ZNF385D: variants seen among roughly 807,000 people sequenced by gnomAD.
ZNF385D encodes zinc finger protein 659.
A neutral mutation model predicts 35.8 loss-of-function variants in ZNF385D; 15 were observed. That is an observed-to-expected ratio of 0.42 (90% confidence interval 0.28 to 0.64). The LOEUF is 0.64. Among genes scored for constraint, ZNF385D ranks in the 30% least tolerant of loss-of-function variants. The probability of loss-of-function intolerance (pLI) is 0.23; values close to 1 mark genes in which losing one functional copy is unlikely to be tolerated. For missense variants in ZNF385D, 474 were observed against 494.6 expected, an observed-to-expected ratio of 0.96 and a Z score of 0.39; for synonymous variants, 212 against 186.8, an observed-to-expected ratio of 1.13 and a Z score of -1.10.
At chr3:21,463,577 T>C (rs115249851) in intron 4 of ZNF385D, among the ~76,000 whole-genome samples, 4,575 of 152,226 alleles carry the variant, frequency 0.03, 197 homozygotes, top group African/African-American at 0.1. Context: ...CCTTCACATC[T>C]GGCCTTGAAG....
At chr3:22,150,340 T>C (rs1705142640) in intron 3 of ZNF385D, among the ~76,000 whole-genome samples, 1 of 152,042 alleles carries the variant, frequency 6.6e-6, no homozygotes, top group Non-Finnish European at 1.5e-5. Context: ...ACATGAATAG[T>C]TTTGCTTTAT....
intron 3 of ZNF385D, among the ~76,000 whole-genome samples, chr3:21,862,603 G>A (rs753140995): frequency 1.3e-5 from 2 of 152,088 alleles, no homozygotes; most frequent in African/African-American, 2.4e-5. Context: ...TATGTGTATA[G>A]CATTCCAGCA....
chr3:22,145,051 G>C (rs1244656576), intron 3 of ZNF385D, among the ~76,000 whole-genome samples: 2 of 149,960 alleles, frequency 1.3e-5, no homozygotes, highest in African/African-American at 2.5e-5. Flanking sequence ...GTCACAATTA[G>C]TTATCAGTGA....
At chr3:21,671,067 G>A (rs1211807776) in intron 1 of ZNF385D, among the ~76,000 whole-genome samples, 3 of 152,064 alleles carry the variant, frequency 2.0e-5, no homozygotes, top group African/African-American at 4.8e-5. Context: ...GTCCCACGGA[G>A]AGGCATAAAG....
intron 3 of ZNF385D, among the ~76,000 whole-genome samples, chr3:22,123,950 C>CTT (rs1703260521): frequency 9.7e-6 from 1 of 103,196 alleles, no homozygotes; most frequent in East Asian, 2.9e-4. Flanking sequence ...CTCTCTCTCT[C>CTT]TCTCTCTCTC....
intron 2 of ZNF385D, among the ~76,000 whole-genome samples, chr3:21,578,321 TTTTAG>T (rs1217090996): frequency 2.0e-5 from 3 of 152,122 alleles, no homozygotes; most frequent in African/African-American, 7.2e-5. Context: ...TGCAGAAGCT[TTTTAG>T]TTTAGTATAA....
In ZNF385D at chr3:22,355,858, A is replaced by G. The variant is rs113479808; in HGVS notation, c.106+16592T>C. Among the ~76,000 whole-genome samples, 1,404 of 152,106 alleles carry G rather than the reference A, an allele frequency of 9.2e-3. 19 individuals carry two copies. Among genetic ancestry groups the G allele is most frequent in the African/African-American group, 0.031 (1,307 of 41,542 alleles). ...ACAAATTTATCAGTAGAACATGTTA[A>G]CAAAGAACAATTTATTTTCAGGTCA... On this transcript the variant is annotated intron_variant, in intron 2 of 5. Coordinates refer to the ZNF385D transcript ENST00000494108.
intron 3 of ZNF385D, among the ~76,000 whole-genome samples, chr3:22,001,384 A>T (rs751799834): frequency 2.0e-5 from 3 of 152,166 alleles, no homozygotes; most frequent in Admixed American, 2.0e-4. Flanking sequence ...GTAAAAAGAG[A>T]CAAAGAAAGT....
At chr3:22,295,160 ATTCT>A (rs1702504300) in intron 2 of ZNF385D, among the ~76,000 whole-genome samples, 1 of 152,178 alleles carries the variant, frequency 6.6e-6, no homozygotes, top group Admixed American at 6.6e-5. Context: ...ATAACAATAA[ATTCT>A]TTCTCTACAT....
intron 3 of ZNF385D, among the ~76,000 whole-genome samples, chr3:21,987,147 TG>T (rs1694852429): frequency 4.5e-5 from 6 of 132,878 alleles, no homozygotes. Flanking sequence ...GTCTTTTAAT[TG>T]GAGAATTTAG....
At position 21,936,554 on chromosome 3, in the gene ZNF385D, A is replaced by G. The variant is rs150015126; in HGVS notation, c.325+232263T>C. On this transcript the variant is annotated intron_variant, in intron 3 of 5. Coordinates refer to the ZNF385D transcript ENST00000494108. ...ACACATAGTTTTTTTTATAGCATTT[A>G]TCATAATTTATAATTATATACTCAT... 9.1e-3 allele frequency among the ~76,000 whole-genome samples: 1,385 copies of G among 152,192 alleles called. 22 individuals carry two copies. The highest frequency in any genetic ancestry group is 0.031 in the African/African-American group (1,286 of 41,560).
intron 3 of ZNF385D, among the ~76,000 whole-genome samples, chr3:22,158,903 T>C (rs1705767307): frequency 6.6e-6 from 1 of 152,040 alleles, no homozygotes; most frequent in Admixed American, 6.6e-5. Context: ...CTAGCTCCAT[T>C]ACCTTGGGAA....
At chr3:21,877,194 T>C (rs189480313) in intron 3 of ZNF385D, among the ~76,000 whole-genome samples, 1 of 152,070 alleles carries the variant, frequency 6.6e-6, no homozygotes, top group South Asian at 2.1e-4. Flanking sequence ...TCAGATACTC[T>C]TTCTGTTTGC....
intron 3 of ZNF385D, among the ~76,000 whole-genome samples, chr3:22,079,729 A>C (rs1421086387): frequency 6.6e-6 from 1 of 151,992 alleles, no homozygotes; most frequent in African/African-American, 2.4e-5. Flanking sequence ...TTCTCTTTGA[A>C]GGATGGTTTT....
In ZNF385D at chr3:22,053,183, G is replaced by A. The variant is rs1345368523; in HGVS notation, c.325+115634C>T. On this transcript the variant is annotated intron_variant, in intron 3 of 5. Coordinates refer to the ZNF385D transcript ENST00000494108. ...GGGCGTAGGACCCTCCGAGCCAGGT[G>A]TGGGATATAGTCTCACAATTAAAAG... Among the ~76,000 whole-genome samples, 56 of 89,982 alleles carry A rather than the reference G, an allele frequency of 6.2e-4. 20 individuals are homozygous for A. Among genetic ancestry groups the A allele is most frequent in the African/African-American group, 1.7e-3 (42 of 24,454 alleles). The allele number at this position is 89,982 out of a possible 152,430, so 59.0% of individuals were successfully genotyped here. A position where few individuals can be genotyped will look rare whatever the true frequency, so the allele number is the denominator to read the frequency against.
At chr3:22,232,504 A>G (rs186427362) in intron 2 of ZNF385D, among the ~76,000 whole-genome samples, 11 of 152,214 alleles carry the variant, frequency 7.2e-5, no homozygotes, top group African/African-American at 2.4e-4. Flanking sequence ...CCCATCACCT[A>G]TATTAGGTAT....
chr3:21,769,208 A>C (rs867226575), intron 3 of ZNF385D, among the ~76,000 whole-genome samples: 20 of 151,958 alleles, frequency 1.3e-4, no homozygotes, highest in African/African-American at 4.8e-4. Context: ...ACTCCTATTC[A>C]ACATGGTGTT....
intron 2 of ZNF385D, among the ~76,000 whole-genome samples, chr3:22,353,273 T>C (rs1696000825): frequency 6.6e-6 from 1 of 152,162 alleles, no homozygotes; most frequent in Admixed American, 6.5e-5. Context: ...CCATGCCAAG[T>C]AACAGAAGCA....
intron 3 of ZNF385D, among the ~76,000 whole-genome samples, chr3:21,957,647 G>T (rs1041825499): frequency 6.6e-6 from 1 of 152,078 alleles, no homozygotes; most frequent in Non-Finnish European, 1.5e-5. Flanking sequence ...GGGAATCACT[G>T]CAGGCTTTGT....
Sources: gnomAD v4.1 joint callset for allele counts (sites outside exome capture counted in the v4.1 genomes callset) on GRCh38, gnomAD v4.1.1 for gene constraint, MANE v1.5 for transcripts, NCBI Gene and HGNC (gene_info 2026-07-23, HGNC 2026-07-21) for gene names.